CTDSPL: variants seen among roughly 807,000 people sequenced by gnomAD.
The protein encoded by CTDSPL is CTD small phosphatase-like protein.
CTDSPL carries 8 observed loss-of-function variants against 30.5 expected under a neutral mutation model. That is an observed-to-expected ratio of 0.26 (90% CI 0.15 to 0.47). The LOEUF is 0.47. Ranked by LOEUF, CTDSPL falls within the 20% of genes least tolerant of loss-of-function variation. The probability of loss-of-function intolerance (pLI) is 0.99; values close to 1 mark genes in which losing one functional copy is unlikely to be tolerated. For synonymous variants in CTDSPL, 110 were observed against 137.9 expected (o/e 0.80, Z 1.42); for missense variants, 248 against 366.1 (o/e 0.68, Z 2.63).
chr3:37,956,607 C>T (rs984632025), intron 2 of CTDSPL, among the ~76,000 whole-genome samples: 7 of 152,220 alleles, frequency 4.6e-5, no homozygotes, highest in Middle Eastern at 3.4e-3. Context: ...GAGGGAACTT[C>T]TTGTACCTTG....
chr3:37,862,156 T>G lies in CTDSPL; in HGVS notation c.-44T>G. On this transcript the variant is annotated 5_prime_UTR_variant, in exon 1 of 8. Coordinates refer to ENST00000273179, the MANE Select transcript of CTDSPL (RefSeq NM_001008392.2). This position sits in a 1 kb window ranked among gnomAD's most constrained non-coding sequence, Gnocchi z 4.3. The stretch of plus-strand genomic sequence containing the variant: ...CGCGCCGCGCCCCCGCGCGCTTGGC[T>G]TGCGGGGGGCCGGGCCTGCGGGCGG... 1.0e-6 allele frequency: 1 copy of G among 989,858 alleles called. No homozygotes were observed. The highest frequency in any genetic ancestry group is 4.7e-5 in the South Asian group (1 of 21,108). 61.3% of individuals were successfully genotyped at this position (989,858 alleles called of 1,614,324 possible).
intron 1 of CTDSPL, among the ~76,000 whole-genome samples, chr3:37,875,271 T>G (rs1282156474): frequency 6.6e-6 from 1 of 152,208 alleles, no homozygotes; most frequent in Non-Finnish European, 1.5e-5. Context: ...ATGCTAGAGA[T>G]TATGTAATCA....
At chr3:37,872,855 G>A (rs543090108) in intron 1 of CTDSPL, among the ~76,000 whole-genome samples, 98 of 152,276 alleles carry the variant, frequency 6.4e-4, no homozygotes, top group Non-Finnish European at 1.2e-3. Flanking sequence ...TTATAGGCAT[G>A]AGCCACCGTG....
At position 37,927,444 on chromosome 3, in the gene CTDSPL, T is replaced by A. The variant is rs561797174; in HGVS notation, c.80-19613T>A. Reference sequence around the variant, plus strand: ...GCAAATATTCCAAAATCCGAAAAAATTTGAACACCAAAACACTTCTGGTCC... The same window carrying A: ...GCAAATATTCCAAAATCCGAAAAAAATTGAACACCAAAACACTTCTGGTCC... On this transcript the variant is annotated intron_variant, in intron 1 of 7. Coordinates refer to ENST00000273179, the MANE Select transcript of CTDSPL (RefSeq NM_001008392.2). 1.3e-4 allele frequency among the ~76,000 whole-genome samples: 20 copies of A among 151,966 alleles called. No homozygotes were observed. In the South Asian group the frequency reaches 2.3e-3, roughly 17 times the overall value.
At chr3:37,963,894 A>G (rs1389089490) in intron 3 of CTDSPL, among the ~76,000 whole-genome samples, 2 of 152,034 alleles carry the variant, frequency 1.3e-5, no homozygotes, top group Non-Finnish European at 2.9e-5. Context: ...TCAGTATTCT[A>G]CCACAGTGCG....
At chr3:37,967,782 T>G (rs1699315519) in intron 4 of CTDSPL, 44 bp from the exon 5 acceptor site, 1 of 1,422,172 alleles carries the variant, frequency 7.0e-7, no homozygotes, top group Admixed American at 2.3e-5. Context: ...CCAGAGTTTT[T>G]TTGTTCCTTC....
At chr3:37,874,608 T>C (rs1698112721) in intron 1 of CTDSPL, among the ~76,000 whole-genome samples, 1 of 152,100 alleles carries the variant, frequency 6.6e-6, no homozygotes. Flanking sequence ...CACGCACTGG[T>C]AGTCCCAGCT....
intron 1 of CTDSPL, among the ~76,000 whole-genome samples, chr3:37,934,958 C>CA (rs146772880): frequency 0.058 from 8,823 of 152,256 alleles, 287 homozygotes; most frequent in African/African-American, 0.083. Context: ...GCCTACCCTC[C>CA]AGAGCTTGTA....
intron 1 of CTDSPL, among the ~76,000 whole-genome samples, chr3:37,873,081 T>C (rs1698094928): frequency 2.0e-5 from 3 of 152,184 alleles, no homozygotes; most frequent in African/African-American, 7.2e-5. Context: ...CCATGTGGTC[T>C]CCACTGACCA....
At chr3:37,921,023 TA>T (rs1698707074) in intron 1 of CTDSPL, among the ~76,000 whole-genome samples, 2 of 152,140 alleles carry the variant, frequency 1.3e-5, no homozygotes, top group African/African-American at 4.8e-5. Context: ...TGAGCCTCAA[TA>T]GGTCAGCGCA....
intron 3 of CTDSPL, among the ~76,000 whole-genome samples, chr3:37,961,708 G>A (rs967509512): frequency 2.6e-5 from 4 of 152,144 alleles, no homozygotes; most frequent in South Asian, 2.1e-4. Flanking sequence ...CCCCTCCTGC[G>A]TTAGGCCCTG....
intron 1 of CTDSPL, among the ~76,000 whole-genome samples, chr3:37,926,005 T>G (rs1698777416): frequency 6.6e-6 from 1 of 152,182 alleles, no homozygotes; most frequent in Admixed American, 6.5e-5. Context: ...TTTTTTAAGT[T>G]TTGTTCACTT....
At chr3:37,939,127 G>A (rs946430352) in intron 1 of CTDSPL, among the ~76,000 whole-genome samples, 3 of 150,108 alleles carry the variant, frequency 2.0e-5, no homozygotes, top group African/African-American at 2.4e-5. Flanking sequence ...TGTGAGGACC[G>A]TTGTCTGGAT....
intron 2 of CTDSPL, among the ~76,000 whole-genome samples, chr3:37,955,510 C>G (rs1250126474): frequency 6.6e-6 from 1 of 152,154 alleles, no homozygotes; most frequent in Non-Finnish European, 1.5e-5. Context: ...TACTATGCAG[C>G]CGTAAAAAAG....
At chr3:37,917,836 T>G (rs1421324395) in intron 1 of CTDSPL, among the ~76,000 whole-genome samples, 2 of 152,150 alleles carry the variant, frequency 1.3e-5, no homozygotes, top group African/African-American at 4.8e-5. Flanking sequence ...AGTGTAAAAT[T>G]TATTGTGATT....
Position 37,949,762 on chromosome 3 carries a change from T to C in CTDSPL, c.234+2551T>C, listed in dbSNP as rs75536331. On this transcript the variant is annotated intron_variant, in intron 2 of 7. Coordinates refer to ENST00000273179, the MANE Select transcript of CTDSPL (RefSeq NM_001008392.2). The stretch of plus-strand genomic sequence containing the variant: ...TGTATAGAAGGGAATTCTGGGAAGA[T>C]GACAGCCTGAGCAGATGGCTCTATT... Among the ~76,000 whole-genome samples, 625 of 152,352 alleles carry C rather than the reference T, an allele frequency of 4.1e-3. 42 individuals carry two copies. In the East Asian group the frequency reaches 0.1, roughly 25 times the overall value.
intron 1 of CTDSPL, among the ~76,000 whole-genome samples, chr3:37,882,762 G>A (rs1360705054): frequency 5.9e-5 from 9 of 152,314 alleles, no homozygotes; most frequent in Non-Finnish European, 1.5e-5. Flanking sequence ...CCTCCAATAG[G>A]AGAGTATTCA....
intron 1 of CTDSPL, among the ~76,000 whole-genome samples, chr3:37,879,482 G>T (rs1387688102): frequency 6.6e-6 from 1 of 152,202 alleles, no homozygotes; most frequent in Non-Finnish European, 1.5e-5. Flanking sequence ...TTCATAGTCT[G>T]GCCAAAGGCC....
intron 1 of CTDSPL, chr3:37,944,942 C>T (rs1699018451): frequency 6.7e-6 from 1 of 150,116 alleles, no homozygotes; most frequent in Non-Finnish European, 1.5e-5. Flanking sequence ...TGTACTGGTT[C>T]CAAGTTTATG....
Sources: allele counts gnomAD v4.1 joint callset (sites outside exome capture counted in the v4.1 genomes callset), GRCh38; gene constraint gnomAD v4.1.1; non-coding constraint Gnocchi (gnomAD v3.1); transcripts MANE v1.5; gene names NCBI Gene and HGNC (gene_info 2026-07-23, HGNC 2026-07-21).